Variants in ARHGAP29 observed in about 807,000 individuals in gnomAD.
The protein encoded by ARHGAP29 is Rho GTPase activating protein 29.
ARHGAP29 carries 43 observed loss-of-function variants against 122.6 expected under a neutral mutation model. The ratio of observed to expected loss-of-function variants is 0.35; its 90% CI spans 0.27 to 0.45. The LOEUF (loss-of-function observed/expected upper bound fraction) is 0.45. ARHGAP29 is among the 20% of genes least tolerant of loss of function. The pLI is 1.00. For synonymous variants in ARHGAP29, 506 were observed against 497.1 expected (o/e 1.02, Z -0.24); for missense variants, 1,303 against 1,477.2 (o/e 0.88, Z 1.93).
At chr1:94,277,537 G>T (rs1025488751), upstream of ARHGAP29, among the ~76,000 whole-genome samples, 5 of 151,942 alleles carry the variant, frequency 3.3e-5, no homozygotes, top group African/African-American at 1.2e-4. Context: ...TATTATGAAA[G>T]TTACTTTTTG....
At position 94,174,757 on chromosome 1, in the gene ARHGAP29, T is replaced by G. The variant is rs1486602922; in HGVS notation, c.2906-8A>C. On this transcript the variant is annotated splice_region_variant and splice_polypyrimidine_tract_variant and intron_variant, in intron 22 of 22. Transcript: ENST00000260526. ...GAAGCAACTGTGCTTTGTCTGAAAA[T>G]GAAAGAAATCTATTTAAGTTTGTGG... The G allele has an allele frequency of 1.9e-6, 3 of 1,608,644 alleles. No individual in the cohort carries two copies. Among genetic ancestry groups the G allele is most frequent in the South Asian group, 1.1e-5 (1 of 90,528 alleles).
rs1648977019 is a variant in ARHGAP29, at chr1:94,174,664, C to T, written c.2991G>A (p.Leu997=). 1 of 1,614,072 alleles carries T rather than the reference C, an allele frequency of 6.2e-7. No individual in the cohort carries two copies. Among genetic ancestry groups the T allele is most frequent in the Non-Finnish European group, 8.5e-7 (1 of 1,180,030 alleles). ...CATTGTTTGTTGACCTATCAGATTT[C>T]AGAGAAAGTGGCTTAGGGGTTTTAC... ...EDGKTPKPLS[L]KSDRSTNNVE... Residue 997 remains leucine, a synonymous_variant, in exon 23 of 23, where the codon CTG becomes CTA. Transcript: ENST00000260526.
rs759971362 is a variant in ARHGAP29 at position 94,185,525 on chromosome 1, A to G, written c.1781-44T>C. The G allele has an allele frequency of 2.0e-6, 3 of 1,487,460 alleles. No homozygotes were observed. In the African/African-American group the frequency reaches 4.3e-5, roughly 21 times the overall value. The allele number at this position is 1,487,460 out of a possible 1,614,324, so 92.1% of individuals were successfully genotyped here. A position where few individuals can be genotyped will look rare whatever the true frequency, so the allele number is the denominator to read the frequency against. ...TACAAAAATTGTAAAATGATAGAAA[A>G]ATTATACCATGTGATATCATATTTT... is the stretch of plus-strand genomic sequence containing the variant. On this transcript the variant is annotated intron_variant, in intron 16 of 22. Coordinates refer to ENST00000260526, the MANE Select transcript of ARHGAP29 (RefSeq NM_004815.4).
chr1:94,188,983 AT>A, intron 14 of ARHGAP29, 42 bp from the exon 15 acceptor site: 1 of 1,566,388 alleles, frequency 6.4e-7, no homozygotes, highest in South Asian at 1.1e-5. Context: ...CTACAGGTAG[AT>A]TTCATAAGGT....
At chr1:94,178,783 C>A (rs558898001) in intron 20 of ARHGAP29, among the ~76,000 whole-genome samples, 5 of 152,142 alleles carry the variant, frequency 3.3e-5, no homozygotes, top group Non-Finnish European at 5.9e-5. Flanking sequence ...TGCAAGACTG[C>A]CAGGCATGCA....
Position 94,184,911 on chromosome 1 carries a change from T to C in ARHGAP29, c.2070A>G (p.Ile690Met). Residue 690 changes from isoleucine (I) to methionine (M), a missense_variant, in exon 18 of 23, where the codon ATA becomes ATG. By Grantham distance (10) the Ile-to-Met change is conservative. Coordinates refer to ENST00000260526, the MANE Select transcript of ARHGAP29 (RefSeq NM_004815.4). The part of the protein sequence containing the change: ...EPDGIPFILK[I>M]CASEIENRAL... ...CTCTATTTTCAATCTCTGAGGCACA[T>C]ATTTTGAGTATAAAAGGGATACCAT... is the stretch of plus-strand genomic sequence containing the variant. The C allele has an allele frequency of 1.2e-6, 2 of 1,609,554 alleles. No individual in the cohort carries two copies. Among genetic ancestry groups the C allele is most frequent in the Non-Finnish European group, 8.5e-7 (1 of 1,178,610 alleles).
At chr1:94,266,593 G>A (rs1440718332) in intron 1 of ARHGAP29, among the ~76,000 whole-genome samples, 1 of 152,096 alleles carries the variant, frequency 6.6e-6, no homozygotes, top group Non-Finnish European at 1.5e-5. Flanking sequence ...CTGCATTGTG[G>A]TGGGGCTCAG....
In ARHGAP29 at chr1:94,220,338, T is replaced by C. The variant is rs777968941; in HGVS notation, c.260A>G (p.Lys87Arg). 15 of 1,612,666 alleles carry C rather than the reference T, an allele frequency of 9.3e-6. No individual in the cohort carries two copies. The highest frequency in any genetic ancestry group is 1.3e-5 in the African/African-American group (1 of 74,884). ...IRLEELLRVL[K>R]SIMNKHQNLN... Reference sequence around the variant, plus strand: ...GTTCTGATGTTTATTCATTATAGACTTTAAAACACGGAGCAGTTCCTCTAG... The same window carrying C: ...GTTCTGATGTTTATTCATTATAGACCTTAAAACACGGAGCAGTTCCTCTAG... Residue 87 changes from lysine to arginine, a missense_variant, in exon 3 of 23, where the codon AAG becomes AGG. Physicochemically the swap from Lys to Arg is conservative, Grantham distance 26. Coordinates refer to ENST00000260526, the MANE Select transcript of ARHGAP29 (RefSeq NM_004815.4).
chr1:94,175,750 G>A (rs1649055049), intron 22 of ARHGAP29, among the ~76,000 whole-genome samples: 2 of 152,044 alleles, frequency 1.3e-5, no homozygotes, highest in Non-Finnish European at 2.9e-5. Flanking sequence ...TGTCACCCAG[G>A]CTGGAGTGCA....
chr1:94,278,845 T>A (rs1341945010), upstream of ARHGAP29, among the ~76,000 whole-genome samples: 1 of 152,228 alleles, frequency 6.6e-6, no homozygotes, highest in African/African-American at 2.4e-5. Flanking sequence ...CAACTGTCAA[T>A]AAATACAAGC....
At chr1:94,293,768 C>T in the ARHGAP29 span, among the ~76,000 whole-genome samples, 1 of 152,170 alleles carries the variant, frequency 6.6e-6, no homozygotes, top group Non-Finnish European at 1.5e-5. Context: ...CATGGGTGTG[C>T]CACCCTCCAG....
At chr1:94,201,503 T>C (rs1270257986) in intron 12 of ARHGAP29, among the ~76,000 whole-genome samples, 47 of 108,580 alleles carry the variant, frequency 4.3e-4, no homozygotes, top group African/African-American at 1.6e-3. Context: ...TTTCCTTCCT[T>C]CCTTCTCTCT....
chr1:94,195,869 G>A (rs1291910678), intron 12 of ARHGAP29: 2 of 151,914 alleles, frequency 1.3e-5, no homozygotes, highest in African/African-American at 4.8e-5. Flanking sequence ...ATTAAATAAA[G>A]TAAAATAAAA....
chr1:94,204,184 G>A (rs1025742573), intron 7 of ARHGAP29, among the ~76,000 whole-genome samples, 190 bp from the exon 8 acceptor site: 4 of 143,438 alleles, frequency 2.8e-5, no homozygotes, highest in Non-Finnish European at 6.0e-5. Context: ...GTCTCACTAC[G>A]TTGCCGAGGC....
intron 1 of ARHGAP29, among the ~76,000 whole-genome samples, chr1:94,250,022 A>G (rs1272246339): frequency 6.6e-6 from 1 of 152,066 alleles, no homozygotes; most frequent in Non-Finnish European, 1.5e-5. Context: ...TAAATCACAA[A>G]CTGCACTCAA....
At chr1:94,268,250 A>G (rs1654852021) in intron 1 of ARHGAP29, among the ~76,000 whole-genome samples, 4 of 152,204 alleles carry the variant, frequency 2.6e-5, no homozygotes, top group African/African-American at 4.8e-5. Flanking sequence ...TATCCGCTTT[A>G]CTAAGTCCCT....
At chr1:94,259,064 T>C (rs985447840) in intron 1 of ARHGAP29, among the ~76,000 whole-genome samples, 3 of 152,162 alleles carry the variant, frequency 2.0e-5, no homozygotes, top group East Asian at 3.9e-4. Context: ...CATTCAGGTA[T>C]GTAGAACACA....
chr1:94,236,682 A>T (rs559990489), intron 1 of ARHGAP29, among the ~76,000 whole-genome samples: 13 of 152,126 alleles, frequency 8.5e-5, no homozygotes, highest in Non-Finnish European at 1.5e-4. Context: ...CCCCCCAAAA[A>T]ATTTTTTTTT....
the ARHGAP29 span, among the ~76,000 whole-genome samples, chr1:94,293,350 G>C: frequency 6.6e-6 from 1 of 152,190 alleles, no homozygotes; most frequent in African/African-American, 2.4e-5. Flanking sequence ...ACAGTAATTG[G>C]CCAGAAGTGT....
Sources: allele counts gnomAD v4.1 joint callset (sites outside exome capture counted in the v4.1 genomes callset), GRCh38; gene constraint gnomAD v4.1.1; transcripts MANE v1.5; gene names NCBI Gene and HGNC (gene_info 2026-07-23, HGNC 2026-07-21).